RSRC1: variants seen among roughly 807,000 people sequenced by gnomAD.
RSRC1 encodes arginine and serine rich coiled-coil 1.
Under a neutral mutation model 49.1 loss-of-function variants are expected in RSRC1, and 39 were observed. The observed-to-expected ratio is 0.79, with a 90% CI of 0.61 to 1.04. The LOEUF is 1.04. RSRC1 is among the 50% of genes least tolerant of loss of function. The pLI is 0.00. For synonymous variants in RSRC1, 143 were observed against 130.8 expected, an observed-to-expected ratio of 1.09 and a Z score of -0.63; for missense variants, 388 against 402.4, an observed-to-expected ratio of 0.96 and a Z score of 0.31.
intron 3 of RSRC1, among the ~76,000 whole-genome samples, chr3:158,142,962 A>G (rs1005856675): frequency 2.6e-5 from 4 of 152,180 alleles, no homozygotes; most frequent in Non-Finnish European, 4.4e-5. Flanking sequence ...GTATTTCAGC[A>G]TCCTAATAGT....
At chr3:158,296,292 G>T (rs1727233605) in intron 4 of RSRC1, among the ~76,000 whole-genome samples, 1 of 151,960 alleles carries the variant, frequency 6.6e-6, no homozygotes, top group Admixed American at 6.6e-5. Context: ...TTCTATTGTG[G>T]ATTTCAACAA....
At chr3:158,186,668 G>T (rs1027858958) in intron 3 of RSRC1, among the ~76,000 whole-genome samples, 1 of 151,910 alleles carries the variant, frequency 6.6e-6, no homozygotes, top group Non-Finnish European at 1.5e-5. Flanking sequence ...GGCTTATCTG[G>T]ATCTAAGAAG....
At chr3:158,125,970 G>A (rs1217187000) in intron 3 of RSRC1, among the ~76,000 whole-genome samples, 1 of 151,734 alleles carries the variant, frequency 6.6e-6, no homozygotes, top group African/African-American at 2.4e-5. Context: ...TTTTTCTTGT[G>A]ACAGTCTTTG....
chr3:158,238,852 C>T (rs999813288), intron 4 of RSRC1, among the ~76,000 whole-genome samples: 1 of 152,080 alleles, frequency 6.6e-6, no homozygotes, highest in Non-Finnish European at 1.5e-5. Flanking sequence ...GCAACAAAAG[C>T]GGAAATAGAC....
chr3:158,389,009 G>C (rs187831602), intron 6 of RSRC1, among the ~76,000 whole-genome samples: 6 of 152,118 alleles, frequency 3.9e-5, no homozygotes, highest in Non-Finnish European at 8.8e-5. Flanking sequence ...TTAAATGATT[G>C]TAAAAATGTT....
At chr3:158,419,297 C>G (rs1013871111) in intron 6 of RSRC1, among the ~76,000 whole-genome samples, 1 of 151,942 alleles carries the variant, frequency 6.6e-6, no homozygotes, top group South Asian at 2.1e-4. Context: ...GCTGTGACCT[C>G]AGGCATCTTT....
At chr3:158,217,863 A>G (rs1279747403) in intron 4 of RSRC1, among the ~76,000 whole-genome samples, 2 of 151,508 alleles carry the variant, frequency 1.3e-5, no homozygotes, top group South Asian at 2.1e-4. Context: ...GCAGAATATA[A>G]TGGTGGGGAC....
At chr3:158,336,653 C>T (rs1729909030) in intron 5 of RSRC1, 1 of 152,142 alleles carries the variant, frequency 6.6e-6, no homozygotes, top group South Asian at 2.1e-4. Context: ...TTTTGAGAAA[C>T]ATTGCAACTT....
At chr3:158,287,105 C>T (rs1417218304) in intron 4 of RSRC1, among the ~76,000 whole-genome samples, 3 of 152,132 alleles carry the variant, frequency 2.0e-5, no homozygotes, top group East Asian at 1.9e-4. Flanking sequence ...GGATTACAGG[C>T]GTGAGTCACT....
At chr3:158,353,995 CTTTTTTTTTT>C (rs1230649090) in intron 5 of RSRC1, among the ~76,000 whole-genome samples, 2 of 96,302 alleles carry the variant, frequency 2.1e-5, no homozygotes, top group Non-Finnish European at 3.9e-5. Flanking sequence ...GTTTCTTTTT[CTTTTTTTTTT>C]TTTTTTTTTT....
chr3:158,376,049 T>C (rs1732342591), intron 6 of RSRC1, among the ~76,000 whole-genome samples: 1 of 151,380 alleles, frequency 6.6e-6, no homozygotes, highest in Non-Finnish European at 1.5e-5. Flanking sequence ...ACTCTCTTTC[T>C]GTACAGTTCC....
chr3:158,513,915 GGC>G (rs1740345737), intron 7 of RSRC1, among the ~76,000 whole-genome samples: 1 of 152,060 alleles, frequency 6.6e-6, no homozygotes, highest in South Asian at 2.1e-4. Flanking sequence ...TAGAGGTGTT[GGC>G]AGTATTCTCT....
Position 158,545,259 on chromosome 3 carries a change from T to G in RSRC1, c.*984T>G, listed in dbSNP as rs1342880141. 7.4e-6 allele frequency: 1 copy of G among 135,418 alleles called. No individual in the cohort carries two copies. The highest frequency in any genetic ancestry group is 2.8e-5 in the African/African-American group (1 of 36,230). The allele number at this position is 135,418 out of a possible 1,614,324, so 8.4% of individuals were successfully genotyped here. Reference sequence around the variant, plus strand: ...CTCTATCCCCCATGCTGGAGTGCAGTGGCGCGATCTCAGCTCACTGCAAGC... The same window carrying G: ...CTCTATCCCCCATGCTGGAGTGCAGGGGCGCGATCTCAGCTCACTGCAAGC... On this transcript the variant is annotated 3_prime_UTR_variant, in exon 10 of 10. Coordinates refer to ENST00000611884, the MANE Select transcript of RSRC1 (RefSeq NM_001271838.2).
chr3:158,356,044 A>T (rs1432992684), intron 6 of RSRC1, among the ~76,000 whole-genome samples: 1 of 151,972 alleles, frequency 6.6e-6, no homozygotes, highest in African/African-American at 2.4e-5. Context: ...ATAAATATAA[A>T]TGTGGTTTCT....
In RSRC1 at chr3:158,539,859, G is replaced by A. The variant is rs750450758; in HGVS notation, c.759+2661G>A. The stretch of plus-strand genomic sequence containing the variant: ...AAAGAAATCTTAATGTACTGTGTAC[G>A]TAAAAACAAGATGAGATTGCTTGGT... On this transcript the variant is annotated intron_variant, in intron 8 of 9. Transcript: ENST00000611884. This position sits in a 1 kb window ranked among gnomAD's most constrained non-coding sequence, Gnocchi z 4.1. Among the ~76,000 whole-genome samples the A allele has an allele frequency of 3.3e-5, 5 of 152,068 alleles. No homozygotes were observed. Among genetic ancestry groups the A allele is most frequent in the Non-Finnish European group, 4.4e-5 (3 of 68,012 alleles).
intron 4 of RSRC1, among the ~76,000 whole-genome samples, chr3:158,240,542 G>T (rs1723512817): frequency 6.6e-6 from 1 of 152,048 alleles, no homozygotes; most frequent in Non-Finnish European, 1.5e-5. Context: ...TTTACTTAAT[G>T]ATTTTTAACA....
At chr3:158,387,543 G>T (rs923812906) in intron 6 of RSRC1, among the ~76,000 whole-genome samples, 1 of 152,026 alleles carries the variant, frequency 6.6e-6, no homozygotes, top group African/African-American at 2.4e-5. Flanking sequence ...AAATTCATTG[G>T]TCATCTACAG....
chr3:158,442,810 T>C (rs1393710431), intron 6 of RSRC1, among the ~76,000 whole-genome samples: 3 of 152,022 alleles, frequency 2.0e-5, no homozygotes, highest in Non-Finnish European at 4.4e-5. Flanking sequence ...CCCTAGAAAA[T>C]GTATTTCTTA....
chr3:158,395,084 G>A (rs903501616), intron 6 of RSRC1, among the ~76,000 whole-genome samples: 17 of 152,074 alleles, frequency 1.1e-4, no homozygotes, highest in Non-Finnish European at 7.4e-5. Flanking sequence ...ATGGGGAAAG[G>A]ACTCCCTGTT....
Sources: allele counts gnomAD v4.1 joint callset (sites outside exome capture counted in the v4.1 genomes callset), GRCh38; gene constraint gnomAD v4.1.1; non-coding constraint Gnocchi (gnomAD v3.1); transcripts MANE v1.5; gene names NCBI Gene and HGNC (gene_info 2026-07-23, HGNC 2026-07-21).